Variants in DOCK1 observed in about 807,000 individuals in gnomAD.
The protein encoded by DOCK1 is dedicator of cytokinesis protein 1.
In DOCK1, 138 loss-of-function variants were observed where a neutral mutation model predicts 262.7. That is an observed-to-expected ratio of 0.53 (90% CI 0.46 to 0.61). The LOEUF is 0.61. Ranked by LOEUF, DOCK1 falls within the 20% of genes least tolerant of loss-of-function variation. The pLI, the probability that DOCK1 is intolerant of heterozygous loss-of-function variation, is 0.00. For missense variants in DOCK1, 1,908 were observed against 2,370.7 expected (o/e 0.80, Z 4.05); for synonymous variants, 866 against 867.4 (o/e 1.00, Z 0.03).
intron 18 of DOCK1, among the ~76,000 whole-genome samples, chr10:127,034,986 G>T (rs2043495961): frequency 6.6e-6 from 1 of 152,204 alleles, no homozygotes. Context: ...GACTGAGGGA[G>T]AGGGCACCCT....
In DOCK1 at chr10:127,331,213, C is replaced by T. The variant is rs1264817468; in HGVS notation, c.3045-7793C>T. Among the ~76,000 whole-genome samples the T allele has an allele frequency of 3.9e-5, 6 of 152,126 alleles. No individual in the cohort carries two copies. In the South Asian group the frequency reaches 6.2e-4, roughly 16 times the overall value. ...CTATTAAGGAAAGGGTATACTGAAG[C>T]GGGTCCAACCTCCCATCTCTTCATG... On this transcript the variant is annotated intron_variant, in intron 29 of 51. Coordinates refer to ENST00000623213, the MANE Select transcript of DOCK1 (RefSeq NM_001290223.2).
At chr10:127,162,051 C>T (rs1260619800) in intron 27 of DOCK1, among the ~76,000 whole-genome samples, 1 of 152,126 alleles carries the variant, frequency 6.6e-6, no homozygotes, top group East Asian at 1.9e-4. Context: ...AATATAACCA[C>T]CACTCATGGG....
intron 1 of DOCK1, among the ~76,000 whole-genome samples, chr10:126,937,373 A>G (rs1031956028): frequency 6.6e-6 from 1 of 152,184 alleles, no homozygotes. Context: ...GGTAGGTCAT[A>G]TAGTAATTCT....
At chr10:127,235,616 A>T (rs1233629330) in intron 27 of DOCK1, among the ~76,000 whole-genome samples, 1 of 152,096 alleles carries the variant, frequency 6.6e-6, no homozygotes, top group Non-Finnish European at 1.5e-5. Context: ...CTGTGTGGGC[A>T]TATCTTTTCA....
chr10:127,103,283 G>C (rs59642584), intron 23 of DOCK1, among the ~76,000 whole-genome samples: 2 of 152,106 alleles, frequency 1.3e-5, no homozygotes, highest in Non-Finnish European at 2.9e-5. Flanking sequence ...TCCCATGTAC[G>C]TGCCAAGTCA....
intron 29 of DOCK1, among the ~76,000 whole-genome samples, chr10:127,303,903 G>A (rs963226444): frequency 2.6e-5 from 4 of 152,098 alleles, no homozygotes; most frequent in East Asian, 1.9e-4. Context: ...TCATGTAATC[G>A]CGATGTGTAA....
In DOCK1 at chr10:127,309,987, T is replaced by C. The variant is rs894730610; in HGVS notation, c.3045-29019T>C. 3.9e-5 allele frequency among the ~76,000 whole-genome samples: 6 copies of C among 152,056 alleles called. No homozygotes were observed. In the South Asian group the frequency reaches 8.3e-4, roughly 21 times the overall value. On this transcript the variant is annotated intron_variant, in intron 29 of 51. Transcript: ENST00000623213. ...ACCTCCCAGGTTCAAGCAATTCTTG[T>C]GCCTCAGCCTCCCAAGTAGCTGGGA...
chr10:127,418,855 G>T (rs2068322112), intron 45 of DOCK1, among the ~76,000 whole-genome samples: 1 of 152,216 alleles, frequency 6.6e-6, no homozygotes, highest in Admixed American at 6.5e-5. Flanking sequence ...CAGGCCAAAA[G>T]ATAAAGTTAG....
intron 35 of DOCK1, among the ~76,000 whole-genome samples, chr10:127,378,817 T>G (rs1036465839): frequency 6.6e-6 from 1 of 152,256 alleles, no homozygotes; most frequent in Non-Finnish European, 1.5e-5. Flanking sequence ...AGTTGTCAGC[T>G]GAAAATATCC....
intron 4 of DOCK1, among the ~76,000 whole-genome samples, chr10:126,985,088 C>T (rs1815645): frequency 0.14 from 20,745 of 150,070 alleles, 1,902 homozygotes; most frequent in East Asian, 0.47. Flanking sequence ...TCAAGCGATT[C>T]TCCTGTCTCA....
chr10:126,928,524 G>A (rs1176829165), intron 1 of DOCK1, among the ~76,000 whole-genome samples: 1 of 151,786 alleles, frequency 6.6e-6, no homozygotes, highest in African/African-American at 2.4e-5. Flanking sequence ...CTGTGTCCTC[G>A]GCTGGTGTCC....
At chr10:127,248,350 A>T (rs181311701) in intron 28 of DOCK1, among the ~76,000 whole-genome samples, 11 of 152,180 alleles carry the variant, frequency 7.2e-5, no homozygotes, top group African/African-American at 2.6e-4. Flanking sequence ...AGCCCAGGGA[A>T]ATCTCTTGTC....
chr10:127,160,887 G>A (rs193182281), intron 27 of DOCK1, among the ~76,000 whole-genome samples: 1 of 152,294 alleles, frequency 6.6e-6, no homozygotes, highest in East Asian at 1.9e-4. Context: ...TGCACTAGCT[G>A]TCTCTTCTCG....
At chr10:127,290,192 G>T in intron 29 of DOCK1, among the ~76,000 whole-genome samples, 1 of 151,940 alleles carries the variant, frequency 6.6e-6, no homozygotes, top group East Asian at 1.9e-4. Context: ...GGTATGCCTG[G>T]ATTTTCCTGA....
At position 127,026,593 on chromosome 10, in the gene DOCK1, A is replaced by G. The variant is rs1279821740; in HGVS notation, c.1624+169A>G. The G allele has an allele frequency of 5.9e-6, 4 of 675,214 alleles. No individual in the cohort carries two copies. In the South Asian group the frequency reaches 6.9e-5, roughly 12 times the overall value. 41.8% of individuals were successfully genotyped at this position (675,214 alleles called of 1,614,324 possible). A position where few individuals can be genotyped will look rare whatever the true frequency, so the allele number is the denominator to read the frequency against. ...ATTCTTCTCTCTTTTCCTTGAGCAGATCTCAGGAGGAGATCTTAATTTCCT... is the reference window on the plus strand; with the variant it reads ...ATTCTTCTCTCTTTTCCTTGAGCAGGTCTCAGGAGGAGATCTTAATTTCCT... On this transcript the variant is annotated intron_variant, in intron 16 of 51. Transcript: ENST00000623213.
In DOCK1 at chr10:126,994,364, C is replaced by T. The variant is rs142664170; in HGVS notation, c.474-2384C>T. Among the ~76,000 whole-genome samples, 316 of 151,552 alleles carry T rather than the reference C, an allele frequency of 2.1e-3. 3 individuals carry two copies. Among genetic ancestry groups the T allele is most frequent in the Middle Eastern group, 0.01 (3 of 292 alleles). On this transcript the variant is annotated intron_variant, in intron 6 of 51. Transcript: ENST00000623213. ...TATTGATCATTCTTGGGTGTTTCTC[C>T]GAGAGGGGGATTTGGCAGGGTCATA...
chr10:127,383,970 C>T (rs910006273), intron 37 of DOCK1, among the ~76,000 whole-genome samples: 1 of 152,052 alleles, frequency 6.6e-6, no homozygotes, highest in Non-Finnish European at 1.5e-5. Context: ...GGCTAGAGTG[C>T]AGTAGCCTGG....
intron 25 of DOCK1, among the ~76,000 whole-genome samples, chr10:127,118,999 G>A (rs1194477974): frequency 3.3e-5 from 5 of 151,612 alleles, no homozygotes; most frequent in South Asian, 2.1e-4. Flanking sequence ...TTACACACAC[G>A]TGTACCTGCA....
chr10:127,309,752 G>C (rs1174397226), intron 29 of DOCK1, among the ~76,000 whole-genome samples: 1 of 152,134 alleles, frequency 6.6e-6, no homozygotes, highest in South Asian at 2.1e-4. Flanking sequence ...TTTAAGGCTG[G>C]TTGAGACCAG....
Sources: allele counts gnomAD v4.1 joint callset (sites outside exome capture counted in the v4.1 genomes callset), GRCh38; gene constraint gnomAD v4.1.1; transcripts MANE v1.5; gene names NCBI Gene and HGNC (gene_info 2026-07-23, HGNC 2026-07-21).